ADK: variants seen among roughly 807,000 people sequenced by gnomAD.
The protein encoded by ADK is adenosine kinase, also known as N6,N6-dimethyladenosine kinase.
ADK carries 24 observed loss-of-function variants against 44.7 expected under a neutral mutation model. That is an observed-to-expected ratio of 0.54 (90% confidence interval 0.39 to 0.76). The LOEUF (loss-of-function observed/expected upper bound fraction) is 0.76. Among genes scored for constraint, ADK ranks in the 30% least tolerant of loss-of-function variants. The pLI, the probability that ADK is intolerant of heterozygous loss-of-function variation, is 0.00. For synonymous variants in ADK, 128 were observed against 142.6 expected, an observed-to-expected ratio of 0.90 and a Z score of 0.73; for missense variants, 321 against 425.1, an observed-to-expected ratio of 0.76 and a Z score of 2.15.
Position 74,387,443 on chromosome 10 carries a change from C to T in ADK, c.274-6698C>T, listed in dbSNP as rs113938626. On this transcript the variant is annotated intron_variant, in intron 4 of 10. Transcript: ENST00000539909. The stretch of plus-strand genomic sequence containing the variant: ...AGGAAATAAACACTTTTGGCTGAAA[C>T]GAATTATTTAATAAATGGAATTTCT... 1.8e-4 allele frequency among the ~76,000 whole-genome samples: 27 copies of T among 152,164 alleles called. 2 individuals carry two copies. The highest frequency in any genetic ancestry group is 5.3e-4 in the African/African-American group (22 of 41,520).
At chr10:74,630,918 C>CTTTT (rs140106298) in intron 9 of ADK, among the ~76,000 whole-genome samples, 1 of 151,580 alleles carries the variant, frequency 6.6e-6, no homozygotes, top group Non-Finnish European at 1.5e-5. Context: ...TATTAATTTA[C>CTTTT]TTATGTCATA....
At chr10:74,416,285 A>T (rs761870998) in intron 6 of ADK, among the ~76,000 whole-genome samples, 1 of 151,952 alleles carries the variant, frequency 6.6e-6, no homozygotes, top group African/African-American at 2.4e-5. Context: ...TTTCAGACCA[A>T]TATTGGTTTC....
At chr10:74,565,820 T>A (rs1027803180) in intron 7 of ADK, among the ~76,000 whole-genome samples, 12 of 151,760 alleles carry the variant, frequency 7.9e-5, no homozygotes, top group African/African-American at 2.9e-4. Flanking sequence ...TTCAGATTAA[T>A]GAATATGATT....
At chr10:74,287,961 C>G (rs1286668737) in intron 3 of ADK, among the ~76,000 whole-genome samples, 3 of 123,106 alleles carry the variant, frequency 2.4e-5, no homozygotes, top group Non-Finnish European at 4.8e-5. Context: ...CTGCCTGGGG[C>G]GATGTACTGA....
At chr10:74,223,885 TC>T (rs1844421089) in intron 2 of ADK, among the ~76,000 whole-genome samples, 2 of 151,990 alleles carry the variant, frequency 1.3e-5, no homozygotes, top group Non-Finnish European at 2.9e-5. Context: ...GGTCAGGAGT[TC>T]CAGAGCAGCC....
intron 6 of ADK, among the ~76,000 whole-genome samples, chr10:74,452,039 GTACACAAAAT>G (rs1348476427): frequency 6.6e-6 from 1 of 151,422 alleles, no homozygotes; most frequent in East Asian, 1.9e-4. Context: ...TAGATATGAT[GTACACAAAAT>G]TACACAGAAA....
At chr10:74,366,285 GTTT>G (rs1397143102) in intron 4 of ADK, among the ~76,000 whole-genome samples, 2 of 152,182 alleles carry the variant, frequency 1.3e-5, no homozygotes, top group East Asian at 3.9e-4. Flanking sequence ...CGTCTTGAAA[GTTT>G]TAATATAGAA....
intron 7 of ADK, among the ~76,000 whole-genome samples, chr10:74,527,213 G>T (rs779001451): frequency 1.3e-5 from 2 of 151,950 alleles, no homozygotes; most frequent in Non-Finnish European, 2.9e-5. Context: ...TACAAAAAAT[G>T]AGCCAGGCGT....
At chr10:74,289,102 T>C (rs994025813) in intron 3 of ADK, among the ~76,000 whole-genome samples, 3 of 152,234 alleles carry the variant, frequency 2.0e-5, no homozygotes, top group African/African-American at 7.2e-5. Context: ...GGTTAAACTT[T>C]ATTGCAATTC....
At chr10:74,321,918 A>G (rs191788588) in intron 4 of ADK, among the ~76,000 whole-genome samples, 190 of 152,352 alleles carry the variant, frequency 1.2e-3, no homozygotes, top group Non-Finnish European at 1.1e-3. Context: ...GTTTGAATGA[A>G]ATAGAAACAT....
intron 6 of ADK, among the ~76,000 whole-genome samples, chr10:74,509,905 C>T (rs1051900382): frequency 6.6e-6 from 1 of 152,068 alleles, no homozygotes; most frequent in Non-Finnish European, 1.5e-5. Context: ...TGCCATGAAC[C>T]ACAGGATTTT....
intron 3 of ADK, among the ~76,000 whole-genome samples, chr10:74,239,516 A>C (rs983869153): frequency 1.3e-5 from 2 of 151,952 alleles, no homozygotes; most frequent in African/African-American, 4.8e-5. Flanking sequence ...TTCGAGACCA[A>C]ACTCGGCAAC....
chr10:74,638,225 GT>G, intron 9 of ADK, among the ~76,000 whole-genome samples: 1 of 152,138 alleles, frequency 6.6e-6, no homozygotes, highest in African/African-American at 2.4e-5. Flanking sequence ...TCTTGAGTTG[GT>G]TTCTATGGAC....
At chr10:74,334,535 T>C (rs1841343012) in intron 4 of ADK, among the ~76,000 whole-genome samples, 1 of 152,208 alleles carries the variant, frequency 6.6e-6, no homozygotes, top group Non-Finnish European at 1.5e-5. Context: ...TTTCTTTGAC[T>C]GAGGAGTCTT....
At chr10:74,274,388 C>T (rs1050943276) in intron 3 of ADK, among the ~76,000 whole-genome samples, 1 of 151,906 alleles carries the variant, frequency 6.6e-6, no homozygotes, top group Non-Finnish European at 1.5e-5. Context: ...ATGGTAAAAC[C>T]CTGTCTCTAC....
intron 6 of ADK, among the ~76,000 whole-genome samples, chr10:74,520,908 T>A (rs1294006191): frequency 6.6e-6 from 1 of 152,184 alleles, no homozygotes; most frequent in Non-Finnish European, 1.5e-5. Context: ...GCATCTACTT[T>A]GCTTTTGGTT....
intron 1 of ADK, among the ~76,000 whole-genome samples, chr10:74,154,410 A>T (rs1043679149): frequency 1.3e-5 from 2 of 152,188 alleles, no homozygotes; most frequent in Non-Finnish European, 2.9e-5. Flanking sequence ...CTGGGATTAC[A>T]GGCGTACACC....
At chr10:74,531,917 A>G (rs1467017552) in intron 7 of ADK, among the ~76,000 whole-genome samples, 2 of 152,174 alleles carry the variant, frequency 1.3e-5, no homozygotes, top group Non-Finnish European at 2.9e-5. Context: ...GGAGAAATAT[A>G]CCTATCTTAT....
rs1305221925 is a variant in ADK, at chr10:74,167,744, A to G, written c.65+16401A>G. On this transcript the variant is annotated intron_variant, in intron 1 of 10. Transcript: ENST00000539909. ...AGGAGTTCCAGGCTAGCCCAGATTT[A>G]AGAGAAGGGAACATAGACTTCTTGT... Among the ~76,000 whole-genome samples the G allele has an allele frequency of 6.6e-5, 10 of 152,230 alleles. No homozygotes were observed. In the East Asian group the frequency reaches 1.9e-3, roughly 29 times the overall value.
Sources: gnomAD v4.1 joint callset for allele counts (sites outside exome capture counted in the v4.1 genomes callset) on GRCh38, gnomAD v4.1.1 for gene constraint, MANE v1.5 for transcripts, NCBI Gene and HGNC (gene_info 2026-07-23, HGNC 2026-07-21) for gene names.